KCNIP4: variants seen among roughly 807,000 people sequenced by gnomAD.
KCNIP4 encodes the protein potassium voltage-gated channel interacting protein 4.
In KCNIP4, 12 loss-of-function variants were observed where a neutral mutation model predicts 34.0. The ratio of observed to expected loss-of-function variants is 0.35; its 90% CI spans 0.23 to 0.57. KCNIP4 has a LOEUF of 0.57. KCNIP4 is among the 20% of genes least tolerant of loss of function. The pLI, the probability that KCNIP4 is intolerant of heterozygous loss-of-function variation, is 0.83. For missense variants in KCNIP4, 238 were observed against 311.7 expected (o/e 0.76, Z 1.78); for synonymous variants, 124 against 102.2 (o/e 1.21, Z -1.29).
chr4:21,437,807 AG>A (rs1247135835), intron 1 of KCNIP4, among the ~76,000 whole-genome samples: 3 of 152,122 alleles, frequency 2.0e-5, no homozygotes, highest in African/African-American at 7.2e-5. Context: ...TTTTAATTAA[AG>A]CTGCAGTGGC....
intron 1 of KCNIP4, among the ~76,000 whole-genome samples, chr4:21,457,429 T>C (rs1440889997): frequency 2.6e-5 from 4 of 151,996 alleles, no homozygotes; most frequent in Non-Finnish European, 5.9e-5. Flanking sequence ...TAATTCTCAG[T>C]GGGCAATATT....
chr4:21,125,842 A>G (rs1474897646), intron 1 of KCNIP4, among the ~76,000 whole-genome samples: 1 of 152,124 alleles, frequency 6.6e-6, no homozygotes, highest in East Asian at 1.9e-4. Flanking sequence ...TAGTTATTCT[A>G]AGAGGAGATT....
At chr4:21,168,019 C>T (rs1407910568) in intron 1 of KCNIP4, among the ~76,000 whole-genome samples, 1 of 152,194 alleles carries the variant, frequency 6.6e-6, no homozygotes, top group East Asian at 1.9e-4. Flanking sequence ...ATTATCATTA[C>T]AAAGATGGTC....
intron 1 of KCNIP4, among the ~76,000 whole-genome samples, chr4:21,030,931 C>G (rs1313631574): frequency 1.3e-5 from 2 of 152,154 alleles, no homozygotes; most frequent in Non-Finnish European, 2.9e-5. Flanking sequence ...GAAAGATAGT[C>G]TCATTCAGAG....
At chr4:21,342,459 A>G in intron 1 of KCNIP4, among the ~76,000 whole-genome samples, 1 of 152,128 alleles carries the variant, frequency 6.6e-6, no homozygotes, top group East Asian at 1.9e-4. Flanking sequence ...ATTGCTCACT[A>G]GAGGAAATTG....
intron 1 of KCNIP4, among the ~76,000 whole-genome samples, chr4:21,574,879 G>A (rs1025048664): frequency 2.0e-5 from 3 of 152,108 alleles, no homozygotes; most frequent in African/African-American, 7.2e-5. Context: ...TTGAGAATCT[G>A]AGAACTATCT....
chr4:21,508,328 T>C (rs1734021846), intron 1 of KCNIP4, among the ~76,000 whole-genome samples: 1 of 152,202 alleles, frequency 6.6e-6, no homozygotes, highest in African/African-American at 2.4e-5. Flanking sequence ...CTGTGTTCTT[T>C]GCTTCTCAGT....
chr4:21,599,959 G>A (rs1222223646), intron 1 of KCNIP4, among the ~76,000 whole-genome samples: 5 of 152,064 alleles, frequency 3.3e-5, no homozygotes, highest in African/African-American at 1.2e-4. Context: ...GATCTGGGTA[G>A]GATTCAGTAA....
At chr4:20,758,932 T>C in intron 3 of KCNIP4, 42 bp from the exon 4 acceptor site, 4 of 1,546,490 alleles carry the variant, frequency 2.6e-6, no homozygotes, top group Middle Eastern at 1.7e-4. Context: ...AAAGTGTTCA[T>C]AAAACTGAAT....
intron 1 of KCNIP4, chr4:21,582,118 T>C (rs550206777): frequency 2.2e-5 from 3 of 139,432 alleles, no homozygotes; most frequent in East Asian, 2.0e-4. Flanking sequence ...ATATGACACA[T>C]AGCAAAGGTA....
At chr4:20,994,361 G>T (rs183650701) in intron 1 of KCNIP4, among the ~76,000 whole-genome samples, 5 of 152,218 alleles carry the variant, frequency 3.3e-5, no homozygotes, top group Admixed American at 3.3e-4. Flanking sequence ...GTAAGTGCAT[G>T]TGAGTGTGAG....
At chr4:20,852,250 C>A (rs1054695745) in intron 2 of KCNIP4, among the ~76,000 whole-genome samples, 1 of 152,064 alleles carries the variant, frequency 6.6e-6, no homozygotes, top group Non-Finnish European at 1.5e-5. Context: ...TAGCTGAATC[C>A]AACAACATAT....
chr4:21,599,321 GTT>G (rs1002773168), intron 1 of KCNIP4, among the ~76,000 whole-genome samples: 1 of 151,946 alleles, frequency 6.6e-6, no homozygotes, highest in Non-Finnish European at 1.5e-5. Flanking sequence ...AACCAAGAGT[GTT>G]TTTAAAATAA....
intron 1 of KCNIP4, among the ~76,000 whole-genome samples, chr4:21,012,827 A>C (rs1739175538): frequency 6.6e-6 from 1 of 152,136 alleles, no homozygotes; most frequent in African/African-American, 2.4e-5. Context: ...TCACAGTCTT[A>C]TTGGTGATGG....
At chr4:20,749,773 C>T in intron 4 of KCNIP4, 41 bp from the exon 5 acceptor site, 1 of 1,338,884 alleles carries the variant, frequency 7.5e-7, no homozygotes, top group Non-Finnish European at 1.1e-6. Context: ...TCAGTGTTTC[C>T]ATATCCTACA....
At chr4:21,035,182 C>T (rs943471512) in intron 1 of KCNIP4, among the ~76,000 whole-genome samples, 1 of 152,144 alleles carries the variant, frequency 6.6e-6, no homozygotes, top group Non-Finnish European at 1.5e-5. Flanking sequence ...CTAGTTGGTT[C>T]TTATTTTAAT....
chr4:20,961,350 T>C (rs1733830222), intron 1 of KCNIP4, among the ~76,000 whole-genome samples: 1 of 152,168 alleles, frequency 6.6e-6, no homozygotes. Context: ...CCTAATGTTC[T>C]ATCACAGATC....
intron 1 of KCNIP4, among the ~76,000 whole-genome samples, chr4:21,805,660 A>G (rs1462961662): frequency 6.6e-6 from 1 of 152,116 alleles, no homozygotes; most frequent in Non-Finnish European, 1.5e-5. Context: ...TCTTTAAAAC[A>G]CCTTCATCTG....
intron 1 of KCNIP4, among the ~76,000 whole-genome samples, chr4:21,660,264 G>A (rs1443672694): frequency 3.3e-5 from 5 of 152,076 alleles, no homozygotes; most frequent in Non-Finnish European, 1.5e-5. Flanking sequence ...AGAGATGGGA[G>A]CATCATTCTT....
Sources: allele counts gnomAD v4.1 joint callset (sites outside exome capture counted in the v4.1 genomes callset), GRCh38; gene constraint gnomAD v4.1.1; transcripts MANE v1.5; gene names NCBI Gene and HGNC (gene_info 2026-07-23, HGNC 2026-07-21).